The following MGAT4A variants were observed in gnomAD, a reference collection of about 807,000 sequenced individuals.
MGAT4A encodes the protein N-acetylglucosaminyltransferase IVa.
MGAT4A carries 33 observed loss-of-function variants against 74.1 expected under a neutral mutation model. The ratio of observed to expected loss-of-function variants is 0.45; its 90% CI spans 0.34 to 0.60. The LOEUF (loss-of-function observed/expected upper bound fraction) is 0.60, where lower values mean the gene tolerates loss of function less well. MGAT4A is among the 20% of genes least tolerant of loss of function. MGAT4A has a pLI of 0.02. For synonymous variants in MGAT4A, 198 were observed against 210.4 expected, an observed-to-expected ratio of 0.94 and a Z score of 0.51; for missense variants, 479 against 628.3, an observed-to-expected ratio of 0.76 and a Z score of 2.54.
chr2:98,671,748 C>G (rs1385434748), intron 4 of MGAT4A, among the ~76,000 whole-genome samples: 2 of 151,730 alleles, frequency 1.3e-5, no homozygotes, highest in South Asian at 4.2e-4. Flanking sequence ...GATTAAAGTT[C>G]TTGAGATGGG....
At chr2:98,668,498 G>C (rs1422509860) in intron 4 of MGAT4A, among the ~76,000 whole-genome samples, 1 of 152,346 alleles carries the variant, frequency 6.6e-6, no homozygotes, top group South Asian at 2.1e-4. Flanking sequence ...TGGATGCTCA[G>C]TTAGAAGTTT....
At chr2:98,716,795 A>G (rs771898603) in intron 2 of MGAT4A, among the ~76,000 whole-genome samples, 1 of 152,216 alleles carries the variant, frequency 6.6e-6, no homozygotes, top group African/African-American at 2.4e-5. Context: ...TATGACCTAC[A>G]CACAGCCTCT....
chr2:98,708,216 C>A lies in MGAT4A; in HGVS notation c.94+18023G>T, dbSNP rs542110328. On this transcript the variant is annotated intron_variant, in intron 2 of 15. Coordinates refer to ENST00000393487, the MANE Select transcript of MGAT4A (RefSeq NM_012214.3). ...CTCCTGGTCTTATGGGATCCTCCCA[C>A]CTTGGCCTCCCAAAGTGCTGGGATT... is the stretch of plus-strand genomic sequence containing the variant. Among the ~76,000 whole-genome samples, 44 of 152,238 alleles carry A rather than the reference C, an allele frequency of 2.9e-4. No homozygotes were observed. The South Asian group carries it at 6.4e-3, about 22-fold the overall frequency.
intron 12 of MGAT4A, among the ~76,000 whole-genome samples, chr2:98,639,045 G>A (rs1273022687): frequency 6.6e-6 from 1 of 152,202 alleles, no homozygotes; most frequent in Non-Finnish European, 1.5e-5. Flanking sequence ...AGTACTTTGG[G>A]AGGCAGACAT....
intron 2 of MGAT4A, among the ~76,000 whole-genome samples, chr2:98,689,781 C>T (rs1479536007): frequency 6.6e-6 from 1 of 152,104 alleles, no homozygotes; most frequent in Non-Finnish European, 1.5e-5. Context: ...TGAGTTTGTG[C>T]CAGTGCACTC....
chr2:98,670,542 T>C (rs1023512506), intron 4 of MGAT4A, among the ~76,000 whole-genome samples: 3 of 152,252 alleles, frequency 2.0e-5, no homozygotes, highest in Admixed American at 2.0e-4. Context: ...ATTCTCAATC[T>C]TCAGTAACTC....
chr2:98,640,095 T>C (rs768692549), intron 11 of MGAT4A, 26 bp downstream of exon 11: 1 of 1,583,696 alleles, frequency 6.3e-7, no homozygotes, highest in East Asian at 2.2e-5. Flanking sequence ...TGTATGTTCA[T>C]GAGAAAATAA....
rs548584436 is a variant in MGAT4A, at chr2:98,622,381, C to T, written c.*3185G>A. The T allele has an allele frequency of 1.6e-5, 16 of 985,322 alleles. No individual in the cohort carries two copies. In the East Asian group the frequency reaches 1.0e-3, roughly 63 times the overall value. The allele number at this position is 985,322 out of a possible 1,614,324, so 61.0% of individuals were successfully genotyped here. On this transcript the variant is annotated 3_prime_UTR_variant, in exon 16 of 16. Transcript: ENST00000393487. The stretch of plus-strand genomic sequence containing the variant: ...TCACTAGTGTGTGTGATGGCAGAAC[C>T]GGGTAAAAAAATGTTTTTATTTAAA...
intron 2 of MGAT4A, among the ~76,000 whole-genome samples, chr2:98,713,565 C>T (rs1182515862): frequency 1.3e-5 from 2 of 152,070 alleles, no homozygotes; most frequent in Non-Finnish European, 2.9e-5. Context: ...AGTTCCAGAC[C>T]AGCCTGGCCA....
intron 1 of MGAT4A, among the ~76,000 whole-genome samples, chr2:98,728,914 T>C (rs1461803066): frequency 1.3e-5 from 2 of 152,156 alleles, no homozygotes; most frequent in Non-Finnish European, 2.9e-5. Context: ...TTTCAGCTGC[T>C]ATCTACTTAG....
intron 2 of MGAT4A, among the ~76,000 whole-genome samples, chr2:98,699,225 A>C (rs1228015057): frequency 6.6e-6 from 1 of 152,244 alleles, no homozygotes; most frequent in Non-Finnish European, 1.5e-5. Flanking sequence ...AAAGGCTATT[A>C]CTGCGGGCTG....
intron 2 of MGAT4A, among the ~76,000 whole-genome samples, chr2:98,705,419 C>T (rs1437486075): frequency 6.6e-6 from 1 of 152,192 alleles, no homozygotes; most frequent in African/African-American, 2.4e-5. Context: ...CACCGCCTCT[C>T]ACTTCATGAA....
intron 14 of MGAT4A, among the ~76,000 whole-genome samples, chr2:98,631,037 G>T (rs372326151): frequency 1.3e-5 from 2 of 152,188 alleles, no homozygotes; most frequent in East Asian, 3.8e-4. Context: ...CCCTCCGCCC[G>T]CCATGCCTGA....
rs1017347468 is a variant in MGAT4A, at chr2:98,623,711, A to G, written c.*1855T>C. 89 of 985,480 alleles carry G rather than the reference A, an allele frequency of 9.0e-5. No individual in the cohort carries two copies. The highest frequency in any genetic ancestry group is 1.1e-4 in the Non-Finnish European group (89 of 829,932). The allele number at this position is 985,480 out of a possible 1,614,324, so 61.0% of individuals were successfully genotyped here. On this transcript the variant is annotated 3_prime_UTR_variant, in exon 16 of 16. Coordinates refer to ENST00000393487, the MANE Select transcript of MGAT4A (RefSeq NM_012214.3). Reference sequence around the variant, plus strand: ...CAATCAAGAAAAGTAACTAAAAATTATAACAACATGGAGTGATGGAAATAA... The same window carrying G: ...CAATCAAGAAAAGTAACTAAAAATTGTAACAACATGGAGTGATGGAAATAA...
chr2:98,704,277 T>C (rs557842050), intron 2 of MGAT4A, among the ~76,000 whole-genome samples: 13 of 152,234 alleles, frequency 8.5e-5, no homozygotes, highest in Non-Finnish European at 1.5e-4. Flanking sequence ...ATGTAAGCAG[T>C]CGCTTACATC....
At chr2:98,663,851 C>T (rs907915690) in intron 4 of MGAT4A, among the ~76,000 whole-genome samples, 1 of 152,134 alleles carries the variant, frequency 6.6e-6, no homozygotes, top group Non-Finnish European at 1.5e-5. Flanking sequence ...GTAGCATCAA[C>T]GTTAACTTCC....
Position 98,635,281 on chromosome 2 carries a change from C to T in MGAT4A, c.1409G>A (p.Gly470Asp). ...TVEVLPFKSE[G>D]LEISKETKDK... ...TTTGGTTTCTTTGCTTATTTCCAAA[C>T]CTTCACTCTAAAATAAAACAAAAGC... Residue 470 changes from glycine to aspartate, a missense_variant, in exon 14 of 16, where the codon GGT becomes GAT. Physicochemically the swap from Gly to Asp is moderately conservative, Grantham distance 94. This residue lies in a region of MGAT4A where 236 missense variants were observed against 308.2 expected (regional missense o/e 0.77). Transcript: ENST00000393487. The T allele has an allele frequency of 1.2e-6, 2 of 1,604,592 alleles. No homozygotes were observed. Among genetic ancestry groups the T allele is most frequent in the South Asian group, 1.1e-5 (1 of 90,000 alleles).
chr2:98,682,049 A>T (rs757172830), intron 2 of MGAT4A, among the ~76,000 whole-genome samples: 7 of 152,226 alleles, frequency 4.6e-5, no homozygotes, highest in South Asian at 2.1e-4. Flanking sequence ...AATAAATAAA[A>T]AATGAACAAA....
intron 2 of MGAT4A, among the ~76,000 whole-genome samples, chr2:98,706,480 C>A (rs1380347473): frequency 2.0e-5 from 3 of 152,004 alleles, no homozygotes; most frequent in Admixed American, 1.3e-4. Flanking sequence ...TAGGCGCCCA[C>A]CACCATGCCC....
Sources: gnomAD v4.1 joint callset for allele counts (sites outside exome capture counted in the v4.1 genomes callset) on GRCh38, gnomAD v4.1.1 for gene constraint, gnomAD v4.1.1 regional missense constraint, MANE v1.5 for transcripts, NCBI Gene and HGNC (gene_info 2026-07-23, HGNC 2026-07-21) for gene names.